B3GALT1: variants seen among roughly 807,000 people sequenced by gnomAD.
The protein encoded by B3GALT1 is UDP-Gal:betaGlcNAc beta 1,3-galactosyltransferase, polypeptide 1.
B3GALT1 carries 10 observed loss-of-function variants against 23.2 expected under a neutral mutation model. The ratio of observed to expected loss-of-function variants is 0.43; its 90% CI spans 0.27 to 0.73. B3GALT1 has a LOEUF of 0.73. B3GALT1 is among the 30% of genes least tolerant of loss of function. The probability of loss-of-function intolerance (pLI) is 0.21; values close to 1 mark genes in which losing one functional copy is unlikely to be tolerated. For synonymous variants in B3GALT1, 156 were observed against 141.5 expected (o/e 1.10, Z -0.73); for missense variants, 299 against 405.4 (o/e 0.74, Z 2.25).
intron 3 of B3GALT1, among the ~76,000 whole-genome samples, chr2:167,650,206 ATATAT>A (rs1465406969): frequency 6.7e-6 from 1 of 150,256 alleles, no homozygotes; most frequent in Non-Finnish European, 1.5e-5. Context: ...TACTAATGTG[ATATAT>A]TGTATTGATT....
At chr2:167,518,322 A>G (rs1377653545) in intron 2 of B3GALT1, among the ~76,000 whole-genome samples, 1 of 152,148 alleles carries the variant, frequency 6.6e-6, no homozygotes, top group East Asian at 1.9e-4. Flanking sequence ...TGTAAATTCA[A>G]ACTACTCATT....
At chr2:167,384,889 A>T (rs1479493266) in intron 1 of B3GALT1, among the ~76,000 whole-genome samples, 1 of 151,806 alleles carries the variant, frequency 6.6e-6, no homozygotes, top group Non-Finnish European at 1.5e-5. Flanking sequence ...CTTGTCCCAA[A>T]AGTTTCCAAA....
intron 1 of B3GALT1, among the ~76,000 whole-genome samples, chr2:167,458,599 C>G (rs539383580): frequency 3.3e-4 from 50 of 152,332 alleles, no homozygotes; most frequent in African/African-American, 1.2e-3. Context: ...GATTTCTCCA[C>G]TCCCTCATAA....
intron 3 of B3GALT1, among the ~76,000 whole-genome samples, chr2:167,734,522 C>T (rs1687462226): frequency 1.3e-5 from 2 of 152,304 alleles, no homozygotes; most frequent in East Asian, 1.9e-4. Context: ...GACCCCCGTG[C>T]ACCATGTGAG....
At chr2:167,432,028 A>G (rs1698714771) in intron 1 of B3GALT1, among the ~76,000 whole-genome samples, 1 of 152,190 alleles carries the variant, frequency 6.6e-6, no homozygotes, top group African/African-American at 2.4e-5. Context: ...GGATAGTCCT[A>G]TAGGAGTATG....
intron 1 of B3GALT1, among the ~76,000 whole-genome samples, chr2:167,348,479 G>C (rs150434780): frequency 1.1e-4 from 17 of 152,036 alleles, no homozygotes; most frequent in Non-Finnish European, 1.5e-5. Context: ...CTTAAGATTT[G>C]CCAGAAAATT....
Position 167,850,007 on chromosome 2 carries a change from C to A in B3GALT1, c.-229-18804C>A, listed in dbSNP as rs538132468. Reference sequence around the variant, plus strand: ...AGGCAAGGATTTCATAACCAAGAACCCAAAAGCAAATTCAATAAAAACAAA... The same window carrying A: ...AGGCAAGGATTTCATAACCAAGAACACAAAAGCAAATTCAATAAAAACAAA... On this transcript the variant is annotated intron_variant, in intron 4 of 4. Transcript: ENST00000392690. Among the ~76,000 whole-genome samples the A allele has an allele frequency of 7.2e-5, 11 of 152,042 alleles. No homozygotes were observed. The South Asian group carries it at 1.2e-3, about 17-fold the overall frequency.
rs544434520 is a variant in B3GALT1 at position 167,337,335 on chromosome 2, C to T, written c.-511+44001C>T. 1.5e-4 allele frequency among the ~76,000 whole-genome samples: 23 copies of T among 151,976 alleles called. No homozygotes were observed. The South Asian group carries it at 4.8e-3, about 32-fold the overall frequency. Reference sequence around the variant, plus strand: ...TCCGTCTGTCTTCCTTTGCCACTCTCTCCAAATGCGTGCTCACACACACAC... The same window carrying T: ...TCCGTCTGTCTTCCTTTGCCACTCTTTCCAAATGCGTGCTCACACACACAC... On this transcript the variant is annotated intron_variant, in intron 1 of 4. Transcript: ENST00000392690.
chr2:167,820,058 G>A (rs1253159211), intron 4 of B3GALT1, among the ~76,000 whole-genome samples: 3 of 152,090 alleles, frequency 2.0e-5, no homozygotes, highest in Non-Finnish European at 4.4e-5. Context: ...ATACTCATAA[G>A]GATTCTCCAA....
intron 3 of B3GALT1, among the ~76,000 whole-genome samples, chr2:167,719,943 A>C (rs918450807): frequency 6.6e-6 from 1 of 152,044 alleles, no homozygotes; most frequent in Non-Finnish European, 1.5e-5. Context: ...AAAAAAAAAA[A>C]AGAAAGTCCA....
chr2:167,337,690 C>T (rs1000906017), intron 1 of B3GALT1, among the ~76,000 whole-genome samples: 2 of 152,004 alleles, frequency 1.3e-5, no homozygotes, highest in South Asian at 2.1e-4. Flanking sequence ...AGTTGCTGCA[C>T]AGGATATCTG....
intron 3 of B3GALT1, among the ~76,000 whole-genome samples, chr2:167,727,502 G>C (rs1266002198): frequency 1.3e-5 from 2 of 152,090 alleles, no homozygotes; most frequent in Non-Finnish European, 2.9e-5. Flanking sequence ...AAAGATTCAT[G>C]TTCATTCCAC....
At chr2:167,479,079 A>T (rs1048568869) in intron 1 of B3GALT1, among the ~76,000 whole-genome samples, 3 of 151,982 alleles carry the variant, frequency 2.0e-5, no homozygotes, top group Admixed American at 6.6e-5. Context: ...TAAATAAATA[A>T]GTAAATAAAT....
chr2:167,646,310 G>T (rs1685747967), intron 2 of B3GALT1, among the ~76,000 whole-genome samples: 1 of 152,146 alleles, frequency 6.6e-6, no homozygotes, highest in African/African-American at 2.4e-5. Flanking sequence ...GTCACTCATG[G>T]GTAGGACCCA....
intron 2 of B3GALT1, among the ~76,000 whole-genome samples, chr2:167,570,093 T>C (rs1429315397): frequency 1.3e-5 from 2 of 151,884 alleles, no homozygotes; most frequent in African/African-American, 4.8e-5. Flanking sequence ...TAATTTTTGC[T>C]TCTATTTTTA....
chr2:167,779,482 A>G (rs533159874), intron 3 of B3GALT1, among the ~76,000 whole-genome samples: 2 of 152,340 alleles, frequency 1.3e-5, no homozygotes, highest in East Asian at 1.9e-4. Flanking sequence ...TGCATAAAAT[A>G]TATCCACAAG....
intron 2 of B3GALT1, among the ~76,000 whole-genome samples, chr2:167,609,512 C>CA (rs1456974745): frequency 1.4e-4 from 22 of 152,136 alleles, no homozygotes; most frequent in African/African-American, 5.3e-4. Context: ...CCCAGAGCAT[C>CA]ATCCTCATCC....
chr2:167,594,003 GTACT>G lies in B3GALT1; in HGVS notation c.-409-52900_-409-52897del, dbSNP rs577709938. 2.6e-5 allele frequency among the ~76,000 whole-genome samples: 4 copies of G among 152,288 alleles called. No individual in the cohort carries two copies. The South Asian group carries it at 6.2e-4, about 24-fold the overall frequency. ...AGAAGCCTAGATATTTACAAATTCT[GTACT>G]TACTTTGCTTTGGCCTTTTCTATAC... On this transcript the variant is annotated intron_variant, in intron 2 of 4. Coordinates refer to ENST00000392690, the MANE Select transcript of B3GALT1 (RefSeq NM_020981.4).
At chr2:167,401,714 A>G (rs1224686454) in intron 1 of B3GALT1, among the ~76,000 whole-genome samples, 5 of 152,190 alleles carry the variant, frequency 3.3e-5, no homozygotes, top group Non-Finnish European at 5.9e-5. Flanking sequence ...AAATTTCAGC[A>G]GTCATGATGA....
Sources: gnomAD v4.1 joint callset for allele counts (sites outside exome capture counted in the v4.1 genomes callset) on GRCh38, gnomAD v4.1.1 for gene constraint, MANE v1.5 for transcripts, NCBI Gene and HGNC (gene_info 2026-07-23, HGNC 2026-07-21) for gene names.